Variants in ADGRL2 observed in about 807,000 individuals in gnomAD.
ADGRL2 encodes the protein adhesion G protein-coupled receptor L2.
A neutral mutation model predicts 157.4 loss-of-function variants in ADGRL2; 44 were observed. The ratio of observed to expected loss-of-function variants is 0.28; its 90% CI spans 0.22 to 0.36. ADGRL2 has a LOEUF of 0.36. ADGRL2 is among the 10% of genes least tolerant of loss of function. The probability of loss-of-function intolerance (pLI) is 1.00; values close to 1 mark genes in which losing one functional copy is unlikely to be tolerated. For missense variants in ADGRL2, 1,510 were observed against 1,768.9 expected (o/e 0.85, Z 2.63); for synonymous variants, 585 against 624.7 (o/e 0.94, Z 0.95).
intron 3 of ADGRL2, among the ~76,000 whole-genome samples, chr1:81,933,712 C>G (rs1232177505): frequency 6.6e-6 from 1 of 152,056 alleles, no homozygotes; most frequent in African/African-American, 2.4e-5. Flanking sequence ...CAATGTCTTT[C>G]TTGTCTCCTC....
intron 1 of ADGRL2, among the ~76,000 whole-genome samples, chr1:81,345,583 T>C (rs1483307556): frequency 1.3e-5 from 2 of 152,166 alleles, no homozygotes; most frequent in African/African-American, 4.8e-5. Context: ...AATACAGATA[T>C]AGAATAATTT....
intron 1 of ADGRL2, among the ~76,000 whole-genome samples, chr1:81,393,277 T>C (rs2076592016): frequency 6.6e-6 from 1 of 151,976 alleles, no homozygotes; most frequent in Non-Finnish European, 1.5e-5. Context: ...CTCTATCACT[T>C]TGGGGAAGGG....
intron 11 of ADGRL2, among the ~76,000 whole-genome samples, chr1:81,964,981 A>G (rs948245650): frequency 6.6e-6 from 1 of 152,172 alleles, no homozygotes; most frequent in Non-Finnish European, 1.5e-5. Context: ...AATGTAAAAT[A>G]ATTACAATCT....
At chr1:81,777,236 C>T (rs970740299) in intron 2 of ADGRL2, among the ~76,000 whole-genome samples, 5 of 152,140 alleles carry the variant, frequency 3.3e-5, no homozygotes, top group Admixed American at 2.0e-4. Context: ...CTATACACAT[C>T]CTAAATTTAT....
At chr1:81,484,118 A>C (rs1341814276) in intron 2 of ADGRL2, among the ~76,000 whole-genome samples, 1 of 152,194 alleles carries the variant, frequency 6.6e-6, no homozygotes, top group Non-Finnish European at 1.5e-5. Flanking sequence ...AATGTGAGTG[A>C]ATAAATCCCT....
rs375743625 is a variant in ADGRL2 at position 81,844,446 on chromosome 1, A to C, written c.73+7389A>C. Among the ~76,000 whole-genome samples, 21 of 152,336 alleles carry C rather than the reference A, an allele frequency of 1.4e-4. No individual in the cohort carries two copies. The East Asian group carries it at 4.1e-3, about 29-fold the overall frequency. ...TATTAGAGAATAAGATAAGTGATTG[A>C]ACACATCTGAAGACCACATCAGAAG... On this transcript the variant is annotated intron_variant, in intron 2 of 23. Transcript: ENST00000686636.
chr1:81,552,651 A>C (rs924878129), intron 2 of ADGRL2, among the ~76,000 whole-genome samples: 1 of 151,480 alleles, frequency 6.6e-6, no homozygotes, highest in African/African-American at 2.4e-5. Context: ...AGAACCCCCC[A>C]AAAAACCATG....
At chr1:81,333,552 A>T (rs1350806459) in intron 1 of ADGRL2, among the ~76,000 whole-genome samples, 3 of 152,036 alleles carry the variant, frequency 2.0e-5, no homozygotes, top group Non-Finnish European at 4.4e-5. Flanking sequence ...AATAGCTGGG[A>T]TTACAGGCAC....
At chr1:81,717,871 C>G (rs937318540) in intron 1 of ADGRL2, among the ~76,000 whole-genome samples, 2 of 152,174 alleles carry the variant, frequency 1.3e-5, no homozygotes, top group African/African-American at 4.8e-5. Flanking sequence ...TTTGGAAACC[C>G]AAAAACATAT....
chr1:81,811,377 G>A (rs2089849067), intron 1 of ADGRL2, among the ~76,000 whole-genome samples: 2 of 151,728 alleles, frequency 1.3e-5, no homozygotes, highest in South Asian at 4.1e-4. Context: ...TTTCCAGTCA[G>A]TATTTACATG....
At chr1:81,919,480 A>G (rs995275598) in intron 3 of ADGRL2, among the ~76,000 whole-genome samples, 1 of 152,002 alleles carries the variant, frequency 6.6e-6, no homozygotes, top group African/African-American at 2.4e-5. Context: ...GAAAACTATT[A>G]TTTAAGTTAC....
chr1:81,943,590 T>C lies in ADGRL2; in HGVS notation c.1031T>C (p.Ile344Thr). 6.2e-7 allele frequency: 1 copy of C among 1,613,752 alleles called. No homozygotes were observed. The highest frequency in any genetic ancestry group is 8.5e-7 in the Non-Finnish European group (1 of 1,179,728). The change falls in exon 6 of 24, where the codon ATT becomes ACT. Residue 344 changes from isoleucine (I) to threonine (T), a missense_variant. This residue lies in a region of ADGRL2 where 361 missense variants were observed against 498.4 expected (regional missense o/e 0.72). Coordinates refer to ENST00000686636, the MANE Select transcript of ADGRL2 (RefSeq NM_001366006.2). The surrounding 1 kb of genome is among the most constrained non-coding windows in gnomAD (Gnocchi z 5.6). ...GAAAGTGAAACAGGCAAGAACTCAA[T>C]TGATTACATTTATAATACCCGATTA... ...DNESETGKNS[I>T]DYIYNTRLNR...
chr1:81,820,622 T>A (rs2090891257), intron 1 of ADGRL2, among the ~76,000 whole-genome samples: 1 of 152,036 alleles, frequency 6.6e-6, no homozygotes, highest in African/African-American at 2.4e-5. Flanking sequence ...GAGAATTTTC[T>A]ATTATTGTTG....
chr1:81,332,989 G>A (rs1661372659), intron 1 of ADGRL2, among the ~76,000 whole-genome samples: 1 of 152,142 alleles, frequency 6.6e-6, no homozygotes, highest in Non-Finnish European at 1.5e-5. Context: ...CAGCGACCTG[G>A]GAATTAGGAA....
chr1:81,722,834 G>T (rs538179376), intron 1 of ADGRL2: 39 of 705,488 alleles, frequency 5.5e-5, no homozygotes, highest in Admixed American at 2.6e-4. Context: ...TTTCCAGGTG[G>T]CTTTCCTGGG....
intron 2 of ADGRL2, among the ~76,000 whole-genome samples, chr1:81,524,000 G>A (rs1312443649): frequency 6.6e-6 from 1 of 151,870 alleles, no homozygotes; most frequent in Non-Finnish European, 1.5e-5. Context: ...GGGAGGTGAA[G>A]GTTGCAGTGA....
At chr1:81,772,666 T>G (rs2086423230) in intron 2 of ADGRL2, among the ~76,000 whole-genome samples, 1 of 152,048 alleles carries the variant, frequency 6.6e-6, no homozygotes, top group Non-Finnish European at 1.5e-5. Context: ...GAGGCAGAGG[T>G]TGCAGTGAGC....
chr1:81,391,550 TAAAG>T (rs1410965572), intron 1 of ADGRL2, among the ~76,000 whole-genome samples: 5 of 152,014 alleles, frequency 3.3e-5, no homozygotes, highest in Non-Finnish European at 7.4e-5. Context: ...TTCTCTAAAA[TAAAG>T]GAAGGATTTA....
intron 2 of ADGRL2, among the ~76,000 whole-genome samples, chr1:81,563,560 T>G (rs2080492883): frequency 6.6e-6 from 1 of 152,212 alleles, no homozygotes; most frequent in Non-Finnish European, 1.5e-5. Flanking sequence ...TTATTTTATA[T>G]GTACTTTGGT....
Sources: gnomAD v4.1 joint callset for allele counts (sites outside exome capture counted in the v4.1 genomes callset) on GRCh38, gnomAD v4.1.1 for gene constraint, gnomAD v4.1.1 regional missense constraint, Gnocchi (gnomAD v3.1) non-coding constraint, MANE v1.5 for transcripts, NCBI Gene and HGNC (gene_info 2026-07-23, HGNC 2026-07-21) for gene names.